CPEB3: variants seen among roughly 807,000 people sequenced by gnomAD.
CPEB3 encodes cytoplasmic polyadenylation element-binding protein 3.
In CPEB3, 20 loss-of-function variants were observed where a neutral mutation model predicts 67.2. The observed-to-expected ratio is 0.30, with a 90% CI of 0.21 to 0.43. The LOEUF is 0.43. Among genes scored for constraint, CPEB3 ranks in the 20% least tolerant of loss-of-function variants. CPEB3 has a pLI of 1.00. For synonymous variants in CPEB3, 376 were observed against 393.1 expected (o/e 0.96, Z 0.51); for missense variants, 746 against 968.6 (o/e 0.77, Z 3.05).
intron 1 of CPEB3, among the ~76,000 whole-genome samples, chr10:92,275,674 C>T (rs1841945005): frequency 6.6e-6 from 1 of 152,046 alleles, no homozygotes; most frequent in Non-Finnish European, 1.5e-5. Context: ...ACTTAGTTGT[C>T]AACTCCAAAT....
At chr10:92,156,127 A>G (rs1017223475) in intron 4 of CPEB3, among the ~76,000 whole-genome samples, 1 of 152,186 alleles carries the variant, frequency 6.6e-6, no homozygotes, top group African/African-American at 2.4e-5. Flanking sequence ...GGCATACAGA[A>G]AAGGCAGGAA....
chr10:92,152,696 A>C (rs985860996), intron 4 of CPEB3, among the ~76,000 whole-genome samples: 6 of 152,204 alleles, frequency 3.9e-5, no homozygotes, highest in Admixed American at 6.5e-5. Flanking sequence ...CTTAATACCA[A>C]AAAGTTTTAG....
chr10:92,064,774 A>G (rs1177508406), intron 9 of CPEB3, among the ~76,000 whole-genome samples: 1 of 152,214 alleles, frequency 6.6e-6, no homozygotes, highest in African/African-American at 2.4e-5. Context: ...CAGCATTTCC[A>G]GGATCAGAAG....
rs773585852 is a variant in CPEB3, at chr10:92,143,080, C to T, written c.1402G>A (p.Val468Ile). ...TASFRRFGPL[V>I]VDWPHKAESK... ...TCAGCTTTGTGAGGCCAGTCTACTA[C>T]GAGAGGTCCAAACCTGCGAAAGCTG... Residue 468 changes from valine to isoleucine, a missense_variant, in exon 6 of 10, where the codon GTA becomes ATA. Coordinates refer to ENST00000265997, the MANE Select transcript of CPEB3 (RefSeq NM_014912.5). 2.6e-5 allele frequency: 42 copies of T among 1,613,478 alleles called. No homozygotes were observed. The Admixed American group carries it at 5.3e-4, about 20-fold the overall frequency.
intron 9 of CPEB3, among the ~76,000 whole-genome samples, chr10:92,065,217 T>C (rs1473501696): frequency 6.6e-6 from 1 of 152,176 alleles, no homozygotes; most frequent in Non-Finnish European, 1.5e-5. Flanking sequence ...CTTTACTTTT[T>C]AATTTTTAAT....
At chr10:92,055,850 G>C in intron 9 of CPEB3, among the ~76,000 whole-genome samples, 1 of 151,894 alleles carries the variant, frequency 6.6e-6, no homozygotes, top group Non-Finnish European at 1.5e-5. Flanking sequence ...GACTAGCCTG[G>C]GCAACAACAA....
At chr10:92,209,534 C>CA (rs913861439) in intron 2 of CPEB3, among the ~76,000 whole-genome samples, 3 of 151,364 alleles carry the variant, frequency 2.0e-5, no homozygotes, top group Admixed American at 6.6e-5. Context: ...TGTCAAAAAA[C>CA]AAAAAAACAA....
chr10:92,104,577 C>T (rs7074872), intron 7 of CPEB3, among the ~76,000 whole-genome samples: 9,916 of 151,748 alleles, frequency 0.065, 1,069 homozygotes, highest in African/African-American at 0.23. Flanking sequence ...CTAGTAGAGA[C>T]GGGGTTTCAC....
intron 7 of CPEB3, among the ~76,000 whole-genome samples, chr10:92,092,303 A>C (rs933217826): frequency 6.6e-6 from 1 of 152,204 alleles, no homozygotes; most frequent in South Asian, 2.1e-4. Context: ...GTCACAGTAC[A>C]CCACTTTGTT....
chr10:92,239,317 A>T lies in CPEB3; in HGVS notation c.1005+29T>A. 1.9e-6 allele frequency: 3 copies of T among 1,591,468 alleles called. No individual in the cohort carries two copies. Among genetic ancestry groups the T allele is most frequent in the Non-Finnish European group, 2.6e-6 (3 of 1,168,284 alleles). On this transcript the variant is annotated intron_variant, in intron 2 of 9. Transcript: ENST00000265997. The surrounding 1 kb of genome is among the most constrained non-coding windows in gnomAD (Gnocchi z 6.0). Reference sequence around the variant, plus strand: ...TGGCAAAAGGAGCGGGGCAGAGGGAAGGAGTGTGTAGGTGCAGCAGAGTAT... The same window carrying T: ...TGGCAAAAGGAGCGGGGCAGAGGGATGGAGTGTGTAGGTGCAGCAGAGTAT...
At chr10:92,288,354 G>A (rs778654521) in intron 1 of CPEB3, among the ~76,000 whole-genome samples, 1 of 151,924 alleles carries the variant, frequency 6.6e-6, no homozygotes, top group Non-Finnish European at 1.5e-5. Flanking sequence ...TAGCTACTTG[G>A]GGGGCTGAGG....
chr10:92,056,496 G>T (rs1842117690), intron 9 of CPEB3, among the ~76,000 whole-genome samples: 1 of 152,146 alleles, frequency 6.6e-6, no homozygotes, highest in Admixed American at 6.5e-5. Context: ...AAGAAGCACT[G>T]AGGAGTCAGA....
intron 6 of CPEB3, among the ~76,000 whole-genome samples, chr10:92,124,394 G>C (rs537257518): frequency 1.3e-4 from 20 of 152,276 alleles, no homozygotes; most frequent in Admixed American, 1.1e-3. Flanking sequence ...AACTGAGAGT[G>C]TGCTAAGCTT....
In CPEB3 at chr10:92,048,157, G is replaced by A. The variant is rs1219913181; in HGVS notation, c.*4055C>T. 2.6e-5 allele frequency: 4 copies of A among 152,254 alleles called. No homozygotes were observed. The highest frequency in any genetic ancestry group is 2.6e-4 in the Admixed American group (4 of 15,282). 9.4% of individuals were successfully genotyped at this position (152,254 alleles called of 1,614,324 possible). On this transcript the variant is annotated 3_prime_UTR_variant, in exon 10 of 10. Transcript: ENST00000265997. The surrounding 1 kb of genome is among the most constrained non-coding windows in gnomAD (Gnocchi z 4.1). ...CCACAGACAGTGGTGACATCCGAGT[G>A]TGCTTCCTCAGTGCCACCAACTGAG...
chr10:92,076,563 AT>A (rs1842941939), intron 9 of CPEB3, among the ~76,000 whole-genome samples: 1 of 151,984 alleles, frequency 6.6e-6, no homozygotes. Context: ...ATGTGCCACC[AT>A]ACTTGGCTAA....
chr10:92,254,256 G>A (rs575532730), intron 1 of CPEB3, among the ~76,000 whole-genome samples: 1 of 151,790 alleles, frequency 6.6e-6, no homozygotes, highest in Non-Finnish European at 1.5e-5. Context: ...AAAGTTCCTT[G>A]ACTTCAAAGA....
In CPEB3 at chr10:92,052,178, T is replaced by C; in HGVS notation, c.*34A>G. ...CCCTCTCTTTTCCCTCCTTGTTATC[T>C]ACTCCAGTACTTGTGGCTGGGTCGG... On this transcript the variant is annotated 3_prime_UTR_variant, in exon 10 of 10. Transcript: ENST00000265997. 2.0e-6 allele frequency: 3 copies of C among 1,466,918 alleles called. No individual in the cohort carries two copies. Among genetic ancestry groups the C allele is most frequent in the Non-Finnish European group, 2.9e-6 (3 of 1,048,502 alleles). The allele number at this position is 1,466,918 out of a possible 1,614,324, so 90.9% of individuals were successfully genotyped here.
intron 1 of CPEB3, among the ~76,000 whole-genome samples, chr10:92,280,096 A>G (rs1842195162): frequency 6.6e-6 from 1 of 152,042 alleles, no homozygotes; most frequent in Non-Finnish European, 1.5e-5. Flanking sequence ...TAATCCCTGC[A>G]CTTTGGGAGG....
chr10:92,186,601 A>T (rs1376227516), intron 3 of CPEB3, among the ~76,000 whole-genome samples: 1 of 151,812 alleles, frequency 6.6e-6, no homozygotes, highest in Non-Finnish European at 1.5e-5. Flanking sequence ...CACCTGGCTA[A>T]TTTTCGTATT....
Sources: gnomAD v4.1 joint callset for allele counts (sites outside exome capture counted in the v4.1 genomes callset) on GRCh38, gnomAD v4.1.1 for gene constraint, Gnocchi (gnomAD v3.1) non-coding constraint, MANE v1.5 for transcripts, NCBI Gene and HGNC (gene_info 2026-07-23, HGNC 2026-07-21) for gene names.